The following GATAD2A variants were observed in gnomAD, a reference collection of about 807,000 sequenced individuals.
The protein encoded by GATAD2A is transcriptional repressor p66-alpha.
In GATAD2A, 12 loss-of-function variants were observed where a neutral mutation model predicts 68.5. The observed-to-expected ratio is 0.18, with a 90% CI of 0.11 to 0.28. The LOEUF (loss-of-function observed/expected upper bound fraction) is 0.28, where lower values mean the gene tolerates loss of function less well. Ranked by LOEUF, GATAD2A falls within the 10% of genes least tolerant of loss-of-function variation. The pLI is 1.00. For synonymous variants in GATAD2A, 410 were observed against 375.3 expected (o/e 1.09, Z -1.07); for missense variants, 755 against 868.5 (o/e 0.87, Z 1.64).
chr19:19,471,984 C>A (rs1189578839), intron 2 of GATAD2A, among the ~76,000 whole-genome samples: 1 of 152,082 alleles, frequency 6.6e-6, no homozygotes, highest in Non-Finnish European at 1.5e-5. Context: ...CAGCCTTGAA[C>A]ACCTCGGCTC....
intron 5 of GATAD2A, 42 bp from the exon 6 acceptor site, chr19:19,495,712 G>A: frequency 6.5e-7 from 1 of 1,546,738 alleles, no homozygotes. Context: ...AAGTGTGGGG[G>A]GGTCCGGTCC....
At chr19:19,490,112 C>T (rs866134142) in intron 2 of GATAD2A, among the ~76,000 whole-genome samples, 12 of 152,262 alleles carry the variant, frequency 7.9e-5, no homozygotes, top group Middle Eastern at 3.4e-3. Flanking sequence ...GGCTGATAAC[C>T]CCTTGCCTGG....
chr19:19,484,269 A>C (rs1019297441), intron 2 of GATAD2A, among the ~76,000 whole-genome samples: 11 of 152,112 alleles, frequency 7.2e-5, no homozygotes, highest in Non-Finnish European at 1.5e-4. Context: ...AATATCAAAA[A>C]TTGAAAATTG....
chr19:19,482,911 A>G (rs1199327192), intron 2 of GATAD2A, among the ~76,000 whole-genome samples: 5 of 151,994 alleles, frequency 3.3e-5, no homozygotes, highest in Non-Finnish European at 5.9e-5. Flanking sequence ...GCTGGCCCAC[A>G]TGAGCATGGT....
At chr19:19,482,055 T>TC (rs2059099714) in intron 2 of GATAD2A, among the ~76,000 whole-genome samples, 1 of 151,930 alleles carries the variant, frequency 6.6e-6, no homozygotes, top group African/African-American at 2.4e-5. Context: ...TGTAGTGAGC[T>TC]GTGATTGTAC....
intron 1 of GATAD2A, among the ~76,000 whole-genome samples, chr19:19,411,264 T>A (rs2050887291): frequency 6.6e-6 from 1 of 152,236 alleles, no homozygotes; most frequent in Non-Finnish European, 1.5e-5. Flanking sequence ...GTCTATTTTT[T>A]CCACTGCCTT....
intron 1 of GATAD2A, among the ~76,000 whole-genome samples, chr19:19,455,351 G>T (rs147904356): frequency 6.6e-6 from 1 of 151,970 alleles, no homozygotes; most frequent in Non-Finnish European, 1.5e-5. Flanking sequence ...TTAGCCAGGC[G>T]TGGTGGCATG....
Position 19,451,100 on chromosome 19 carries a change from C to T in GATAD2A, c.-6-14240C>T, listed in dbSNP as rs549166263. On this transcript the variant is annotated intron_variant, in intron 1 of 11. Transcript: ENST00000683918. The stretch of plus-strand genomic sequence containing the variant: ...TCAAACTTTTAAAAAGTGGGGTGGG[C>T]GTGGTGGCTTACTCCTGTAATCCCA... Among the ~76,000 whole-genome samples the T allele has an allele frequency of 6.6e-5, 10 of 151,272 alleles. No homozygotes were observed. The East Asian group carries it at 1.6e-3, about 24-fold the overall frequency.
intron 5 of GATAD2A, 52 bp downstream of exon 5, chr19:19,494,435 C>G: frequency 8.8e-7 from 1 of 1,138,322 alleles, no homozygotes; most frequent in Non-Finnish European, 1.3e-6. Context: ...CTGCTGCTGT[C>G]AAGCACAGGC....
intron 2 of GATAD2A, among the ~76,000 whole-genome samples, chr19:19,470,156 T>TA (rs1271413706): frequency 1.1e-4 from 11 of 96,546 alleles, no homozygotes; most frequent in Non-Finnish European, 2.1e-4. Flanking sequence ...TTTTTTTTTG[T>TA]TTTTTTTTTT....
intron 1 of GATAD2A, among the ~76,000 whole-genome samples, chr19:19,413,296 G>A (rs2916070): frequency 0.16 from 23,986 of 152,238 alleles, 2,005 homozygotes; most frequent in Middle Eastern, 0.28. Context: ...CTCAAGTGTG[G>A]CTGGAGAAAG....
In GATAD2A at chr19:19,506,077, T is replaced by G. The variant is rs1044795127; in HGVS notation, c.*603T>G. 1 of 399,018 alleles carries G rather than the reference T, an allele frequency of 2.5e-6. No individual in the cohort carries two copies. Among genetic ancestry groups the G allele is most frequent in the Non-Finnish European group, 4.4e-6 (1 of 226,080 alleles). The allele number at this position is 399,018 out of a possible 1,614,324, so 24.7% of individuals were successfully genotyped here. A position where few individuals can be genotyped will look rare whatever the true frequency, so the allele number is the denominator to read the frequency against. Reference sequence around the variant, plus strand: ...GCATCATCCCGCTGGCCCTGTGCCCTGGAGGGTGGGCGGCTCATGGTGCCA... The same window carrying G: ...GCATCATCCCGCTGGCCCTGTGCCCGGGAGGGTGGGCGGCTCATGGTGCCA... On this transcript the variant is annotated 3_prime_UTR_variant, in exon 12 of 12. Transcript: ENST00000683918.
chr19:19,424,465 A>T (rs1453976195), intron 1 of GATAD2A, among the ~76,000 whole-genome samples: 1 of 152,092 alleles, frequency 6.6e-6, no homozygotes, highest in East Asian at 1.9e-4. Flanking sequence ...CCTGAGATCA[A>T]GAGGTCTGCC....
intron 1 of GATAD2A, among the ~76,000 whole-genome samples, chr19:19,420,001 T>C (rs2052152825): frequency 7.0e-6 from 1 of 142,118 alleles, no homozygotes; most frequent in African/African-American, 2.7e-5. Flanking sequence ...GGCAACCATC[T>C]TGACTTTTTT....
chr19:19,391,886 TC>T (rs1052723951), intron 1 of GATAD2A, among the ~76,000 whole-genome samples: 10 of 152,132 alleles, frequency 6.6e-5, no homozygotes. Context: ...GGGCATTAAA[TC>T]CCTGTGGGAT....
chr19:19,484,586 G>A (rs1269508832), intron 2 of GATAD2A, among the ~76,000 whole-genome samples: 1 of 140,416 alleles, frequency 7.1e-6, no homozygotes, highest in Admixed American at 7.6e-5. Flanking sequence ...GCTGGAGTGC[G>A]CAGTGGCACG....
intron 2 of GATAD2A, among the ~76,000 whole-genome samples, chr19:19,466,591 C>T (rs892546545): frequency 3.3e-5 from 5 of 152,228 alleles, no homozygotes; most frequent in Non-Finnish European, 7.3e-5. Flanking sequence ...GTTTTTGGAA[C>T]CCAAACTGTT....
chr19:19,399,454 G>A (rs2049535365), intron 1 of GATAD2A, among the ~76,000 whole-genome samples: 1 of 152,116 alleles, frequency 6.6e-6, no homozygotes, highest in South Asian at 2.1e-4. Context: ...GTCTCCCAAA[G>A]TGCTGAGCTT....
intron 7 of GATAD2A, among the ~76,000 whole-genome samples, chr19:19,497,014 G>C (rs779189905): frequency 2.6e-5 from 4 of 152,212 alleles, no homozygotes; most frequent in Non-Finnish European, 5.9e-5. Flanking sequence ...CAGGCAGGTA[G>C]TTTCATACAC....
Sources: gnomAD v4.1 joint callset for allele counts (sites outside exome capture counted in the v4.1 genomes callset) on GRCh38, gnomAD v4.1.1 for gene constraint, MANE v1.5 for transcripts, NCBI Gene and HGNC (gene_info 2026-07-23, HGNC 2026-07-21) for gene names.